Variants in RGS17 observed in about 807,000 individuals in gnomAD.
RGS17 encodes the protein regulator of G-protein signaling 17.
In RGS17, 12 loss-of-function variants were observed where a neutral mutation model predicts 25.5. The observed-to-expected ratio is 0.47, with a 90% CI of 0.30 to 0.76. RGS17 has a LOEUF of 0.76. Among genes scored for constraint, RGS17 ranks in the 30% least tolerant of loss-of-function variants. The pLI is 0.07. For missense variants in RGS17, 196 were observed against 242.2 expected (o/e 0.81, Z 1.27); for synonymous variants, 71 against 76.9 (o/e 0.92, Z 0.40).
intron 1 of RGS17, among the ~76,000 whole-genome samples, chr6:153,117,594 T>C (rs1206447203): frequency 6.6e-6 from 1 of 152,220 alleles, no homozygotes; most frequent in Admixed American, 6.5e-5. Flanking sequence ...TCCTGCACCT[T>C]GTGAGTGGAC....
intron 1 of RGS17, among the ~76,000 whole-genome samples, chr6:153,084,405 A>T (rs1032832177): frequency 6.6e-6 from 1 of 152,206 alleles, no homozygotes; most frequent in Non-Finnish European, 1.5e-5. Flanking sequence ...AATGGATTTA[A>T]TTACATGGGG....
At chr6:153,047,580 T>C (rs1017579951) in intron 1 of RGS17, among the ~76,000 whole-genome samples, 1 of 152,148 alleles carries the variant, frequency 6.6e-6, no homozygotes, top group Non-Finnish European at 1.5e-5. Context: ...TGGGAGGTAA[T>C]TAGCTCATGA....
At chr6:153,039,762 C>T (rs1776299645) in intron 2 of RGS17, among the ~76,000 whole-genome samples, 1 of 152,170 alleles carries the variant, frequency 6.6e-6, no homozygotes, top group Non-Finnish European at 1.5e-5. Context: ...TGATGCCCCT[C>T]CTTTTTGTAA....
At chr6:153,078,155 C>T (rs1293948204) in intron 1 of RGS17, among the ~76,000 whole-genome samples, 1 of 152,230 alleles carries the variant, frequency 6.6e-6, no homozygotes, top group East Asian at 1.9e-4. Flanking sequence ...ATTACTGAGC[C>T]ACTGCGCCCA....
At chr6:153,049,943 G>A (rs982369406) in intron 1 of RGS17, among the ~76,000 whole-genome samples, 1 of 152,074 alleles carries the variant, frequency 6.6e-6, no homozygotes, top group Non-Finnish European at 1.5e-5. Flanking sequence ...CAATGGCATG[G>A]GAACAGATAT....
At chr6:153,102,819 A>C (rs921134604) in intron 1 of RGS17, among the ~76,000 whole-genome samples, 2 of 152,232 alleles carry the variant, frequency 1.3e-5, no homozygotes, top group Non-Finnish European at 2.9e-5. Context: ...CAATGCAAAC[A>C]TTAGGCATTC....
intron 1 of RGS17, among the ~76,000 whole-genome samples, chr6:153,052,111 G>T (rs1305357454): frequency 6.6e-6 from 1 of 152,192 alleles, no homozygotes; most frequent in Non-Finnish European, 1.5e-5. Flanking sequence ...TTTTCAACAA[G>T]TTAGATTACC....
Position 153,024,312 on chromosome 6 carries a change from T to C in RGS17, c.394A>G (p.Lys132Glu). ...KEQNKKVIEEKARMIYEDYIS... is the reference protein window; with the variant it reads ...KEQNKKVIEEEARMIYEDYIS... ...TAATCTTCATATATCATCCTAGCCT[T>C]TTCTTCAATTACTTTTTTGTTCTGC... is the stretch of plus-strand genomic sequence containing the variant. The change falls in exon 4 of 5, where the codon AAG becomes GAG. Residue 132 changes from lysine to glutamate, a missense_variant. This residue lies in a region of RGS17 where 179 missense variants were observed against 197.6 expected (regional missense o/e 0.91). Transcript: ENST00000206262. The C allele has an allele frequency of 5.0e-6, 8 of 1,613,950 alleles. No individual in the cohort carries two copies. Among genetic ancestry groups the C allele is most frequent in the Non-Finnish European group, 6.8e-6 (8 of 1,179,858 alleles).
chr6:153,028,567 T>C (rs1311164584), intron 2 of RGS17, among the ~76,000 whole-genome samples: 1 of 152,126 alleles, frequency 6.6e-6, no homozygotes, highest in African/African-American at 2.4e-5. Context: ...TCTCTGGAAT[T>C]TGATGTATTT....
chr6:153,014,168 C>A (rs968459816), intron 4 of RGS17, among the ~76,000 whole-genome samples: 1 of 152,146 alleles, frequency 6.6e-6, no homozygotes, highest in East Asian at 1.9e-4. Flanking sequence ...GATACGAATG[C>A]TTATTTACCA....
At chr6:153,122,380 T>C (rs1188843443) in intron 1 of RGS17, among the ~76,000 whole-genome samples, 3 of 152,136 alleles carry the variant, frequency 2.0e-5, no homozygotes, top group African/African-American at 7.2e-5. Context: ...GATAAATAAA[T>C]GTAACTTTCA....
chr6:153,077,341 A>G (rs1212390347), intron 1 of RGS17, among the ~76,000 whole-genome samples: 5 of 133,968 alleles, frequency 3.7e-5, no homozygotes, highest in Admixed American at 7.3e-5. Flanking sequence ...TAGATCCTGC[A>G]TGGGAAAAAA....
intron 1 of RGS17, among the ~76,000 whole-genome samples, chr6:153,097,474 G>A (rs1208518911): frequency 6.6e-6 from 1 of 151,566 alleles, no homozygotes; most frequent in African/African-American, 2.4e-5. Context: ...TTGGCACCCA[G>A]GAATGATAGG....
At chr6:153,025,477 T>C (rs1779289907) in intron 3 of RGS17, among the ~76,000 whole-genome samples, 1 of 151,796 alleles carries the variant, frequency 6.6e-6, no homozygotes, top group African/African-American at 2.4e-5. Context: ...CAAAAACCAC[T>C]AGTAATTAAT....
intron 1 of RGS17, among the ~76,000 whole-genome samples, chr6:153,125,811 C>T (rs1339446904): frequency 6.6e-6 from 1 of 152,168 alleles, no homozygotes; most frequent in Admixed American, 6.5e-5. Context: ...AGCCACTGCA[C>T]TCCAGCCTGG....
At chr6:153,038,624 C>T (rs1211682100) in intron 2 of RGS17, among the ~76,000 whole-genome samples, 1 of 152,148 alleles carries the variant, frequency 6.6e-6, no homozygotes, top group African/African-American at 2.4e-5. Context: ...GCTCTGGTGC[C>T]TCAGATGAAA....
chr6:153,129,943 C>T (rs1777761592), intron 1 of RGS17, among the ~76,000 whole-genome samples: 1 of 152,130 alleles, frequency 6.6e-6, no homozygotes, highest in African/African-American at 2.4e-5. Context: ...AGGGCGGGTC[C>T]CGTACGCAGG....
intron 4 of RGS17, chr6:153,023,354 A>G: frequency 2.0e-6 from 1 of 509,962 alleles, no homozygotes; most frequent in South Asian, 1.4e-5. Flanking sequence ...AAAGACAAAA[A>G]GAGGCTGGGA....
intron 4 of RGS17, among the ~76,000 whole-genome samples, chr6:153,020,856 T>C (rs1489735115): frequency 1.3e-5 from 2 of 152,154 alleles, no homozygotes; most frequent in African/African-American, 2.4e-5. Flanking sequence ...GGAACTCAGA[T>C]TGGTATTAAC....
Sources: allele counts gnomAD v4.1 joint callset (sites outside exome capture counted in the v4.1 genomes callset), GRCh38; gene constraint gnomAD v4.1.1; regional missense constraint gnomAD v4.1.1; transcripts MANE v1.5; gene names NCBI Gene and HGNC (gene_info 2026-07-23, HGNC 2026-07-21).